Variants in SCAPER observed in about 807,000 individuals in gnomAD.
SCAPER encodes the protein S-phase cyclin A associated protein in the ER.
Under a neutral mutation model 182.2 loss-of-function variants are expected in SCAPER, and 98 were observed. The observed-to-expected ratio is 0.54, with a 90% confidence interval of 0.46 to 0.64. SCAPER has a LOEUF of 0.64. Ranked by LOEUF, SCAPER falls within the 30% of genes least tolerant of loss-of-function variation. The pLI is 0.00. For missense variants in SCAPER, 1,432 were observed against 1,690.0 expected (o/e 0.85, Z 2.68); for synonymous variants, 605 against 564.6 (o/e 1.07, Z -1.01).
chr15:76,476,470 C>T (rs2050638699), intron 24 of SCAPER, among the ~76,000 whole-genome samples: 1 of 151,792 alleles, frequency 6.6e-6, no homozygotes. Flanking sequence ...GTTCTGTCAC[C>T]CAGGCTGGAG....
At chr15:76,840,417 C>CAA (rs35131345) in intron 5 of SCAPER, among the ~76,000 whole-genome samples, 137 of 103,274 alleles carry the variant, frequency 1.3e-3, no homozygotes, top group Non-Finnish European at 1.9e-3. Context: ...AGACCTGCCT[C>CAA]AAAAAAAAAA....
chr15:76,462,552 C>A (rs762078444), intron 25 of SCAPER, among the ~76,000 whole-genome samples: 2 of 152,016 alleles, frequency 1.3e-5, no homozygotes, highest in Non-Finnish European at 2.9e-5. Flanking sequence ...TTTACTGAAA[C>A]CTTTTACACC....
chr15:76,720,869 G>C (rs62028185), intron 17 of SCAPER, among the ~76,000 whole-genome samples: 1 of 152,122 alleles, frequency 6.6e-6, no homozygotes, highest in Non-Finnish European at 1.5e-5. Context: ...CTCCCATTCT[G>C]TAGGTTGCCT....
chr15:76,658,360 T>C lies in SCAPER; in HGVS notation c.2645+7293A>G, dbSNP rs573859306. On this transcript the variant is annotated intron_variant, in intron 21 of 31. Coordinates refer to ENST00000563290, the MANE Select transcript of SCAPER (RefSeq NM_020843.4). ...CCTAGAAATACAGCTAACCATGGAGTTGAAAAATGTCTACAACAAGAATTA... is the reference window on the plus strand; with the variant it reads ...CCTAGAAATACAGCTAACCATGGAGCTGAAAAATGTCTACAACAAGAATTA... Among the ~76,000 whole-genome samples, 15 of 151,214 alleles carry C rather than the reference T, an allele frequency of 9.9e-5. 1 individual carries two copies. In the South Asian group the frequency reaches 3.0e-3, roughly 30 times the overall value.
intron 14 of SCAPER, among the ~76,000 whole-genome samples, chr15:76,759,014 G>A (rs1298523235): frequency 6.6e-6 from 1 of 152,044 alleles, no homozygotes; most frequent in Non-Finnish European, 1.5e-5. Flanking sequence ...TATTTATGAT[G>A]TTATCTACAA....
chr15:76,548,989 A>G (rs1421272235), intron 23 of SCAPER, among the ~76,000 whole-genome samples: 1 of 152,210 alleles, frequency 6.6e-6, no homozygotes, highest in Non-Finnish European at 1.5e-5. Flanking sequence ...AAAAGAAACT[A>G]CCATCAGAGT....
chr15:76,553,408 A>G (rs904463047), intron 23 of SCAPER, among the ~76,000 whole-genome samples: 2 of 152,210 alleles, frequency 1.3e-5, no homozygotes, highest in African/African-American at 4.8e-5. Context: ...CAGTGTCACC[A>G]CAGATGGCGG....
intron 15 of SCAPER, among the ~76,000 whole-genome samples, chr15:76,738,309 T>C (rs1158327192): frequency 2.6e-5 from 4 of 152,116 alleles, no homozygotes; most frequent in African/African-American, 9.7e-5. Flanking sequence ...TTAAAATGTT[T>C]TGGTAGAGAT....
At chr15:76,778,560 A>C (rs944413218) in intron 8 of SCAPER, among the ~76,000 whole-genome samples, 1 of 152,256 alleles carries the variant, frequency 6.6e-6, no homozygotes, top group Admixed American at 6.5e-5. Context: ...CCTTAAATGT[A>C]AATGTTCTAA....
chr15:76,866,869 G>A (rs936110670), intron 2 of SCAPER, among the ~76,000 whole-genome samples: 16 of 151,990 alleles, frequency 1.1e-4, no homozygotes, highest in African/African-American at 3.6e-4. Context: ...TCTCACAGGA[G>A]TCTTCAACAA....
rs537636979 is a variant in SCAPER at position 76,476,478 on chromosome 15, G to C, written c.2955-5143C>G. On this transcript the variant is annotated intron_variant, in intron 24 of 31. Coordinates refer to ENST00000563290, the MANE Select transcript of SCAPER (RefSeq NM_020843.4). The stretch of plus-strand genomic sequence containing the variant: ...GGGTGTTGTTCTGTCACCCAGGCTG[G>C]AGTGCAGTGGCATGATCATAGCTCA... 2.0e-5 allele frequency among the ~76,000 whole-genome samples: 3 copies of C among 151,880 alleles called. No individual in the cohort carries two copies. In the South Asian group the frequency reaches 6.3e-4, roughly 32 times the overall value.
chr15:76,477,057 G>T (rs2050711863), intron 24 of SCAPER, among the ~76,000 whole-genome samples: 1 of 151,974 alleles, frequency 6.6e-6, no homozygotes, highest in Non-Finnish European at 1.5e-5. Flanking sequence ...AAACTTAGGT[G>T]TTGAAGTTAC....
chr15:76,742,466 T>TAAAAAAAAAAAAA (rs55751202), intron 15 of SCAPER, among the ~76,000 whole-genome samples: 4 of 37,052 alleles, frequency 1.1e-4, no homozygotes, highest in East Asian at 1.0e-3. Context: ...TGTCTTTTCC[T>TAAAAAAAAAAAAA]AAAAAAAAAA....
At position 76,723,207 on chromosome 15, in the gene SCAPER, C is replaced by A. The variant is rs148355533; in HGVS notation, c.2165+5388G>T. Among the ~76,000 whole-genome samples, 462 of 152,018 alleles carry A rather than the reference C, an allele frequency of 3.0e-3. 1 individual carries two copies. Among genetic ancestry groups the A allele is most frequent in the Non-Finnish European group, 5.0e-3 (343 of 67,972 alleles). ...ATTTACCCAGTAGTCATTCAGGAGC[C>A]GGTTGTTCAGTTTCCATGAAGTTTA... is the stretch of plus-strand genomic sequence containing the variant. On this transcript the variant is annotated intron_variant, in intron 17 of 31. Transcript: ENST00000563290.
At chr15:76,874,834 C>G (rs2073029194) in intron 2 of SCAPER, among the ~76,000 whole-genome samples, 1 of 151,896 alleles carries the variant, frequency 6.6e-6, no homozygotes, top group Non-Finnish European at 1.5e-5. Context: ...CATGGTGGTA[C>G]CACCTCTAGT....
chr15:76,693,493 G>A (rs2058490065), intron 20 of SCAPER, among the ~76,000 whole-genome samples: 1 of 152,020 alleles, frequency 6.6e-6, no homozygotes, highest in Admixed American at 6.6e-5. Context: ...TATATACTAA[G>A]AAAACTGAAA....
intron 15 of SCAPER, among the ~76,000 whole-genome samples, chr15:76,747,912 A>G (rs557436072): frequency 6.6e-6 from 1 of 152,268 alleles, no homozygotes; most frequent in East Asian, 1.9e-4. Context: ...ATAGCAACAC[A>G]AATGGGCTGA....
intron 24 of SCAPER, among the ~76,000 whole-genome samples, chr15:76,502,372 C>A (rs1597066799): frequency 6.6e-6 from 1 of 152,088 alleles, no homozygotes; most frequent in South Asian, 2.1e-4. Flanking sequence ...CACATATACA[C>A]CGTGGAATAC....
At chr15:76,683,984 G>A (rs2057886831) in intron 20 of SCAPER, among the ~76,000 whole-genome samples, 1 of 151,840 alleles carries the variant, frequency 6.6e-6, no homozygotes, top group Non-Finnish European at 1.5e-5. Flanking sequence ...CAAAAGCAAA[G>A]GAAAAATAAG....
Sources: gnomAD v4.1 joint callset for allele counts (sites outside exome capture counted in the v4.1 genomes callset) on GRCh38, gnomAD v4.1.1 for gene constraint, MANE v1.5 for transcripts, NCBI Gene and HGNC (gene_info 2026-07-23, HGNC 2026-07-21) for gene names.